TRIM43B: variants seen among roughly 807,000 people sequenced by gnomAD.
TRIM43B encodes tripartite motif-containing protein 43B.
In TRIM43B, 15 loss-of-function variants were observed where a neutral mutation model predicts 27.0. The observed-to-expected ratio is 0.55, with a 90% CI of 0.37 to 0.85. TRIM43B has a LOEUF of 0.85. Ranked by LOEUF, TRIM43B falls within the 40% of genes least tolerant of loss-of-function variation. The pLI is 0.00. For synonymous variants in TRIM43B, 69 were observed against 97.8 expected, an observed-to-expected ratio of 0.71 and a Z score of 1.74; for missense variants, 172 against 289.8, an observed-to-expected ratio of 0.59 and a Z score of 2.95.
In TRIM43B at chr2:95,482,387, G is replaced by T. The variant is rs1173254528; in HGVS notation, c.328C>A (p.Leu110Ile). The T allele has an allele frequency of 6.2e-6, 10 of 1,605,448 alleles. No homozygotes were observed. In the South Asian group the frequency reaches 1.0e-4, roughly 16 times the overall value. ...GAGTTGGAGCACAGCAAGCAGAGGA[G>T]ACTCTTGTCCATGTCACAGAACATC... The change falls in exon 2 of 7, where the codon CTC becomes ATC. Residue 110 changes from leucine to isoleucine, a missense_variant. Leu to Ile is a conservative substitution (Grantham distance 5). Around this residue, in one of 3 missense-constraint regions of TRIM43B, gnomAD observed 74 missense variants for 150.7 expected, o/e 0.49. Transcript: ENST00000639673.
At chr2:95,483,056 A>G (rs1433859655) in intron 1 of TRIM43B, among the ~76,000 whole-genome samples, 2 of 152,090 alleles carry the variant, frequency 1.3e-5, no homozygotes, top group African/African-American at 4.8e-5. Context: ...TGAGTCTTGA[A>G]CGGTCTGAAA....
At chr2:95,482,893 A>C (rs555256767) in intron 1 of TRIM43B, among the ~76,000 whole-genome samples, 175 bp from the exon 2 acceptor site, 24 of 152,284 alleles carry the variant, frequency 1.6e-4, no homozygotes, top group African/African-American at 5.3e-4. Context: ...AGAGACATCA[A>C]TCTCTATAAA....
intron 1 of TRIM43B, among the ~76,000 whole-genome samples, 187 bp from the exon 2 acceptor site, chr2:95,482,905 AG>A (rs1350440751): frequency 6.6e-6 from 1 of 152,170 alleles, no homozygotes; most frequent in East Asian, 1.9e-4. Context: ...CTCTATAAAA[AG>A]TGACTGTTCT....
chr2:95,483,777 G>C (rs567741973), intron 1 of TRIM43B, among the ~76,000 whole-genome samples: 217 of 151,976 alleles, frequency 1.4e-3, no homozygotes, highest in East Asian at 3.9e-3. Flanking sequence ...GCAGTGAGCC[G>C]AGATAGTGCC....
intron 2 of TRIM43B, among the ~76,000 whole-genome samples, 172 bp from the exon 3 acceptor site, chr2:95,481,862 G>T (rs1325571506): frequency 6.6e-6 from 1 of 151,954 alleles, no homozygotes; most frequent in African/African-American, 2.4e-5. Context: ...GTTTCAGAAT[G>T]TAGAACAGTT....
chr2:95,481,757 G>A (rs1351219024), intron 2 of TRIM43B, 67 bp from the exon 3 acceptor site: 17 of 1,522,048 alleles, frequency 1.1e-5, no homozygotes, highest in South Asian at 5.1e-5. Flanking sequence ...AGTGGTATAA[G>A]CAGGCAAGGG....
intron 2 of TRIM43B, 69 bp downstream of exon 2, chr2:95,482,235 C>A: frequency 7.0e-7 from 1 of 1,435,440 alleles, no homozygotes; most frequent in East Asian, 2.5e-5. Context: ...CCGTGATTCT[C>A]ATCATCCTTC....
chr2:95,481,782 T>C (rs553029034), intron 2 of TRIM43B, 92 bp from the exon 3 acceptor site: 2 of 1,359,868 alleles, frequency 1.5e-6, no homozygotes, highest in African/African-American at 3.0e-5. Context: ...AATATATAAA[T>C]ACATTAGTGA....
At chr2:95,480,711 A>G (rs1573603501) in intron 3 of TRIM43B, among the ~76,000 whole-genome samples, 176 bp from the exon 4 acceptor site, 2 of 152,094 alleles carry the variant, frequency 1.3e-5, no homozygotes, top group Non-Finnish European at 2.9e-5. Flanking sequence ...AAACACCTGC[A>G]AAAAAGCCCT....
Position 95,480,254 on chromosome 2 carries a change from T to C in TRIM43B, c.738+51A>G, listed in dbSNP as rs1683496494. On this transcript the variant is annotated intron_variant, in intron 4 of 6. Coordinates refer to ENST00000639673, the Ensembl canonical transcript of TRIM43B. The stretch of plus-strand genomic sequence containing the variant: ...TTTGGTACCCAATGGAAGGCAAAGA[T>C]GTAAAGGTCAGCTAACACAAAGTGT... 4.6e-6 allele frequency: 7 copies of C among 1,514,790 alleles called. No individual in the cohort carries two copies. In the South Asian group the frequency reaches 5.3e-5, roughly 12 times the overall value. The allele number at this position is 1,514,790 out of a possible 1,614,324, so 93.8% of individuals were successfully genotyped here.
chr2:95,484,182 A>G (rs1254323268), intron 1 of TRIM43B, among the ~76,000 whole-genome samples: 9 of 151,876 alleles, frequency 5.9e-5, no homozygotes, highest in Non-Finnish European at 1.0e-4. Flanking sequence ...CATCCTGGCC[A>G]ACATAATGAA....
chr2:95,480,399 C>A, exon 4 of TRIM43B: 1 of 1,609,508 alleles, frequency 6.2e-7, no homozygotes, highest in Non-Finnish European at 8.5e-7. Context: ...TTTGACCCAA[C>A]TTCTCTGGAG....
At chr2:95,482,179 G>A in intron 2 of TRIM43B, 125 bp downstream of exon 2, 1 of 820,298 alleles carries the variant, frequency 1.2e-6, no homozygotes, top group South Asian at 1.9e-5. Context: ...TGTCATCATT[G>A]GTACCTAGAA....
At chr2:95,482,888 C>T (rs561035110) in intron 1 of TRIM43B, among the ~76,000 whole-genome samples, 170 bp from the exon 2 acceptor site, 6 of 152,120 alleles carry the variant, frequency 3.9e-5, no homozygotes, top group Non-Finnish European at 8.8e-5. Context: ...CACAAAGAGA[C>T]ATCAATCTCT....
intron 1 of TRIM43B, among the ~76,000 whole-genome samples, chr2:95,483,880 C>G (rs947631105): frequency 6.6e-6 from 1 of 151,722 alleles, no homozygotes; most frequent in Admixed American, 6.6e-5. Context: ...GTTAAGTCAG[C>G]GTTTTAAATG....
chr2:95,482,840 T>C, intron 1 of TRIM43B, 122 bp from the exon 2 acceptor site: 1 of 1,513,254 alleles, frequency 6.6e-7, no homozygotes, highest in Non-Finnish European at 8.8e-7. Context: ...TAGGTTTTAA[T>C]TTGCAATGAC....
chr2:95,481,542 T>A, intron 3 of TRIM43B, 53 bp downstream of exon 3: 1 of 1,400,240 alleles, frequency 7.1e-7, no homozygotes, highest in South Asian at 1.4e-5. Flanking sequence ...ATATAAATGT[T>A]GTCAGCATGC....
At chr2:95,480,720 C>T (rs1161647822) in intron 3 of TRIM43B, among the ~76,000 whole-genome samples, 185 bp from the exon 4 acceptor site, 1 of 151,928 alleles carries the variant, frequency 6.6e-6, no homozygotes, top group Non-Finnish European at 1.5e-5. Context: ...CAAAAAAGCC[C>T]TTTAGGTTTA....
intron 3 of TRIM43B, 58 bp downstream of exon 3, chr2:95,481,537 A>G: frequency 7.4e-7 from 1 of 1,358,352 alleles, no homozygotes; most frequent in East Asian, 2.4e-5. Flanking sequence ...TGCTAATATA[A>G]ATGTTGTCAG....
Sources: gnomAD v4.1 joint callset for allele counts (sites outside exome capture counted in the v4.1 genomes callset) on GRCh38, gnomAD v4.1.1 for gene constraint, gnomAD v4.1.1 regional missense constraint, MANE v1.5 for transcripts, NCBI Gene and HGNC (gene_info 2026-07-23, HGNC 2026-07-21) for gene names.